Variants in ASCC1 observed in about 807,000 individuals in gnomAD.
ASCC1 encodes the protein ASC-1 complex subunit P50.
In ASCC1, 35 loss-of-function variants were observed where a neutral mutation model predicts 46.6. That is an observed-to-expected ratio of 0.75 (90% confidence interval 0.57 to 0.99). The LOEUF (loss-of-function observed/expected upper bound fraction) is 0.99. Among genes scored for constraint, ASCC1 ranks in the 50% least tolerant of loss-of-function variants. ASCC1 has a pLI of 0.00. For missense variants in ASCC1, 376 were observed against 428.7 expected, an observed-to-expected ratio of 0.88 and a Z score of 1.09; for synonymous variants, 143 against 146.6, an observed-to-expected ratio of 0.98 and a Z score of 0.18.
chr10:72,173,082 C>A (rs1447865957), intron 5 of ASCC1, among the ~76,000 whole-genome samples: 3 of 148,982 alleles, frequency 2.0e-5, no homozygotes, highest in Admixed American at 1.4e-4. Flanking sequence ...CACTAGCATG[C>A]CAAATCAAGA....
At chr10:72,123,415 T>C (rs1053049289) in intron 9 of ASCC1, among the ~76,000 whole-genome samples, 1 of 151,106 alleles carries the variant, frequency 6.6e-6, no homozygotes, top group Non-Finnish European at 1.5e-5. Context: ...CAGGAGTGAA[T>C]CCTAATGTAA....
chr10:72,156,734 T>TGTG (rs747549350), intron 6 of ASCC1, among the ~76,000 whole-genome samples: 1 of 143,206 alleles, frequency 7.0e-6, no homozygotes, highest in Non-Finnish European at 1.5e-5. Flanking sequence ...ATCTCGCCAC[T>TGTG]GCACTCCAGC....
At position 72,133,046 on chromosome 10, in the gene ASCC1, G is replaced by C. The variant is rs765897386; in HGVS notation, c.871+11C>G. ...ATCACAAACTGTGCTATAGTTCTCT[G>C]GGGGACTTACCATTGGGGTCTTTCC... is the stretch of plus-strand genomic sequence containing the variant. On this transcript the variant is annotated intron_variant, in intron 8 of 9. Transcript: ENST00000672957. 15 of 1,613,922 alleles carry C rather than the reference G, an allele frequency of 9.3e-6. No individual in the cohort carries two copies. Among genetic ancestry groups the C allele is most frequent in the Non-Finnish European group, 1.0e-5 (12 of 1,179,952 alleles).
chr10:72,183,095 T>A (rs1387532328), intron 5 of ASCC1, among the ~76,000 whole-genome samples: 1 of 149,262 alleles, frequency 6.7e-6, no homozygotes, highest in Non-Finnish European at 1.5e-5. Context: ...CAGGCTGGAG[T>A]GCAGTGGTGC....
At chr10:72,180,905 C>T (rs962170255) in intron 5 of ASCC1, 8 of 195,560 alleles carry the variant, frequency 4.1e-5, no homozygotes, top group African/African-American at 9.3e-5. Flanking sequence ...GTTCTGTTAA[C>T]GAAACTTTGG....
At chr10:72,133,402 T>C (rs1845828133) in intron 7 of ASCC1, 2 of 536,910 alleles carry the variant, frequency 3.7e-6, no homozygotes, top group Non-Finnish European at 6.7e-6. Flanking sequence ...GATGGCAATA[T>C]ATTATGGTGA....
intron 2 of ASCC1, chr10:72,212,099 G>T (rs1858224687): frequency 6.5e-6 from 1 of 153,040 alleles, no homozygotes; most frequent in African/African-American, 2.4e-5. Context: ...CAGGAGAATT[G>T]CTTGAACCCA....
intron 9 of ASCC1, among the ~76,000 whole-genome samples, chr10:72,101,581 A>AT (rs1415138325): frequency 2.6e-5 from 4 of 152,040 alleles, no homozygotes; most frequent in African/African-American, 9.7e-5. Flanking sequence ...AGTGAGAAAG[A>AT]CAGAAGGAAG....
At chr10:72,129,216 TTAAAA>T (rs140907974) in intron 8 of ASCC1, among the ~76,000 whole-genome samples, 2,229 of 152,068 alleles carry the variant, frequency 0.015, 23 homozygotes, top group Non-Finnish European at 0.024. Flanking sequence ...ATTTCACAAC[TTAAAA>T]TTAAGAGAAA....
intron 9 of ASCC1, among the ~76,000 whole-genome samples, chr10:72,117,580 G>A (rs1843642782): frequency 6.6e-6 from 1 of 152,106 alleles, no homozygotes; most frequent in Non-Finnish European, 1.5e-5. Context: ...ATGCATATAT[G>A]TGAGTGCATA....
Position 72,096,209 on chromosome 10 carries a change from G to A in ASCC1, c.*1125C>T, listed in dbSNP as rs1177498262. 2 of 454,058 alleles carry A rather than the reference G, an allele frequency of 4.4e-6. No individual in the cohort carries two copies. The highest frequency in any genetic ancestry group is 8.8e-6 in the Non-Finnish European group (2 of 226,818). 28.1% of individuals were successfully genotyped at this position (454,058 alleles called of 1,614,324 possible). On this transcript the variant is annotated 3_prime_UTR_variant, in exon 10 of 10. Coordinates refer to ENST00000672957, the MANE Select transcript of ASCC1 (RefSeq NM_001198800.3). The stretch of plus-strand genomic sequence containing the variant: ...AAGGAGAAGAAGGAGAGGACATGGA[G>A]GGAGGAAGAATGTGAGGAGGCAGGG...
At chr10:72,159,903 CTTTT>C (rs900754769) in intron 6 of ASCC1, among the ~76,000 whole-genome samples, 1 of 129,936 alleles carries the variant, frequency 7.7e-6, no homozygotes, top group Non-Finnish European at 1.7e-5. Flanking sequence ...TACACAGTTT[CTTTT>C]TTTTTTTTTT....
chr10:72,142,946 A>AG (rs71018256), intron 7 of ASCC1, among the ~76,000 whole-genome samples: 152,031 of 152,032 alleles, frequency 1, 76,015 homozygotes, highest in Non-Finnish European at 1. Flanking sequence ...GTGGATCACG[A>AG]GTCAGGAGAT....
At chr10:72,147,183 G>C (rs1481535848) in intron 7 of ASCC1, among the ~76,000 whole-genome samples, 2 of 151,714 alleles carry the variant, frequency 1.3e-5, no homozygotes, top group African/African-American at 4.9e-5. Context: ...AACTAGAGCA[G>C]TACAAGAGGT....
chr10:72,169,391 G>C (rs1219746686), intron 5 of ASCC1, among the ~76,000 whole-genome samples: 1 of 152,132 alleles, frequency 6.6e-6, no homozygotes, highest in Non-Finnish European at 1.5e-5. Flanking sequence ...AGTGAGCTGT[G>C]ATAGTGCCAC....
intron 7 of ASCC1, among the ~76,000 whole-genome samples, chr10:72,150,297 T>C (rs1291486653): frequency 1.3e-5 from 2 of 152,128 alleles, no homozygotes; most frequent in Admixed American, 6.5e-5. Flanking sequence ...TGAAATGAGA[T>C]AAGACACCAT....
chr10:72,168,889 G>A (rs1850709388), intron 5 of ASCC1, among the ~76,000 whole-genome samples: 1 of 152,180 alleles, frequency 6.6e-6, no homozygotes, highest in African/African-American at 2.4e-5. Flanking sequence ...AGAGCTAAGA[G>A]AAAACAAATT....
intron 1 of ASCC1, among the ~76,000 whole-genome samples, chr10:72,214,576 C>A (rs1324324770): frequency 6.6e-6 from 1 of 151,922 alleles, no homozygotes; most frequent in Non-Finnish European, 1.5e-5. Context: ...GGGGTTTCGT[C>A]ATGTTGGCCA....
chr10:72,140,187 A>C (rs541388275), intron 7 of ASCC1, among the ~76,000 whole-genome samples: 10 of 152,344 alleles, frequency 6.6e-5, no homozygotes, highest in African/African-American at 2.4e-4. Flanking sequence ...AGAATCTTAC[A>C]GTCTATTTAA....
Sources: allele counts gnomAD v4.1 joint callset (sites outside exome capture counted in the v4.1 genomes callset), GRCh38; gene constraint gnomAD v4.1.1; transcripts MANE v1.5; gene names NCBI Gene and HGNC (gene_info 2026-07-23, HGNC 2026-07-21).